Variants in ANXA13 observed in about 807,000 individuals in gnomAD.
ANXA13 encodes annexin XIII.
Under a neutral mutation model 46.6 loss-of-function variants are expected in ANXA13, and 36 were observed. The ratio of observed to expected loss-of-function variants is 0.77; its 90% CI spans 0.59 to 1.02. The LOEUF is 1.02. Among genes scored for constraint, ANXA13 ranks in the 50% least tolerant of loss-of-function variants. The pLI is 0.00. For missense variants in ANXA13, 417 were observed against 396.5 expected, an observed-to-expected ratio of 1.05 and a Z score of -0.44; for synonymous variants, 163 against 152.9, an observed-to-expected ratio of 1.07 and a Z score of -0.49.
chr8:123,691,660 C>T (rs1384028668), intron 8 of ANXA13, among the ~76,000 whole-genome samples: 1 of 152,152 alleles, frequency 6.6e-6, no homozygotes, highest in Non-Finnish European at 1.5e-5. Flanking sequence ...ACAGCTGTAG[C>T]CTAAAGCTGA....
intron 1 of ANXA13, among the ~76,000 whole-genome samples, chr8:123,717,697 G>A (rs2129910911): frequency 6.6e-6 from 1 of 152,360 alleles, no homozygotes; most frequent in East Asian, 1.9e-4. Flanking sequence ...CTTCGGGCAA[G>A]TTAGAGAACC....
chr8:123,682,712 G>A (rs2129811509), intron 10 of ANXA13, among the ~76,000 whole-genome samples: 1 of 152,276 alleles, frequency 6.6e-6, no homozygotes, highest in South Asian at 2.1e-4. Flanking sequence ...GCTGGGACAC[G>A]GGCAGGAAGG....
intron 1 of ANXA13, among the ~76,000 whole-genome samples, chr8:123,720,303 A>T (rs372789130): frequency 2.6e-5 from 4 of 152,154 alleles, no homozygotes; most frequent in African/African-American, 9.7e-5. Context: ...AGAACCAGGT[A>T]GTTTTGCCTG....
chr8:123,688,873 A>C lies in ANXA13; in HGVS notation c.716T>G (p.Leu239Arg). Residue 239 changes from leucine (L) to arginine (R), a missense_variant and splice_region_variant, in exon 9 of 11, where the codon CTC (leucine) becomes CGC (arginine). Transcript: ENST00000419625. ...SGDLQKAYLT[L>R]VRCAQDCEDY... The stretch of plus-strand genomic sequence containing the variant: ...GAGCTCTCCTAACTTTACTTTACCG[A>C]GAGTTAAATAGGCCTTCTGCAAGTC... 4 of 1,613,700 alleles carry C rather than the reference A, an allele frequency of 2.5e-6. No homozygotes were observed. In the South Asian group the frequency reaches 3.3e-5, roughly 13 times the overall value.
Position 123,681,162 on chromosome 8 carries a change from T to G in ANXA13, c.*78A>C. 2 of 1,505,436 alleles carry G rather than the reference T, an allele frequency of 1.3e-6. No homozygotes were observed. Among genetic ancestry groups the G allele is most frequent in the Non-Finnish European group, 8.9e-7 (1 of 1,122,750 alleles). 93.3% of individuals were successfully genotyped at this position (1,505,436 alleles called of 1,614,324 possible). Reference sequence around the variant, plus strand: ...ACTCTTAAGGGTTTTCGTGCGGGAGTCTCATTTGCAAGTTTGATTTGGAAT... The same window carrying G: ...ACTCTTAAGGGTTTTCGTGCGGGAGGCTCATTTGCAAGTTTGATTTGGAAT... On this transcript the variant is annotated 3_prime_UTR_variant, in exon 11 of 11. Transcript: ENST00000419625.
intron 1 of ANXA13, among the ~76,000 whole-genome samples, chr8:123,727,469 G>A (rs7820881): frequency 0.27 from 41,636 of 151,996 alleles, 7,160 homozygotes; most frequent in South Asian, 0.47. Context: ...CCATTTAAGC[G>A]GTGGTTCTCA....
chr8:123,730,145 G>C (rs1256046403), intron 1 of ANXA13, among the ~76,000 whole-genome samples: 2 of 152,094 alleles, frequency 1.3e-5, no homozygotes, highest in Non-Finnish European at 2.9e-5. Context: ...TTCTCTCCAG[G>C]GCCACTGCTT....
intron 1 of ANXA13, among the ~76,000 whole-genome samples, chr8:123,717,215 C>G (rs888559174): frequency 6.6e-6 from 1 of 152,202 alleles, no homozygotes; most frequent in African/African-American, 2.4e-5. Flanking sequence ...AACCTCTAAG[C>G]TACCATTTCC....
chr8:123,731,615 A>G (rs1434515470), intron 1 of ANXA13, among the ~76,000 whole-genome samples: 1 of 152,084 alleles, frequency 6.6e-6, no homozygotes, highest in Non-Finnish European at 1.5e-5. Context: ...CGCACCTGTA[A>G]TCAATCCCAG....
At chr8:123,689,287 T>A (rs2129831079) in intron 8 of ANXA13, among the ~76,000 whole-genome samples, 1 of 148,576 alleles carries the variant, frequency 6.7e-6, no homozygotes, top group African/African-American at 2.4e-5. Flanking sequence ...TTATATATAC[T>A]ATAATCATAG....
chr8:123,733,092 G>A (rs1258711988), intron 1 of ANXA13, among the ~76,000 whole-genome samples: 1 of 152,120 alleles, frequency 6.6e-6, no homozygotes, highest in Admixed American at 6.6e-5. Context: ...GAACCAGGGA[G>A]GTTGAGGCTG....
At chr8:123,714,781 A>G (rs1033787973) in intron 1 of ANXA13, among the ~76,000 whole-genome samples, 1 of 152,148 alleles carries the variant, frequency 6.6e-6, no homozygotes, top group African/African-American at 2.4e-5. Context: ...GGGGACTGAC[A>G]TTGTTGTACA....
intron 10 of ANXA13, among the ~76,000 whole-genome samples, chr8:123,682,167 A>G (rs1813051179): frequency 6.6e-6 from 1 of 152,156 alleles, no homozygotes; most frequent in South Asian, 2.1e-4. Context: ...CATGATTAGC[A>G]AGGATATTAG....
intron 1 of ANXA13, among the ~76,000 whole-genome samples, chr8:123,719,750 A>G (rs996248207): frequency 2.0e-5 from 3 of 152,202 alleles, no homozygotes; most frequent in African/African-American, 7.2e-5. Context: ...TAATCATGAC[A>G]TAATAGTCCA....
At chr8:123,696,209 G>GT in intron 4 of ANXA13, among the ~76,000 whole-genome samples, 1 of 152,028 alleles carries the variant, frequency 6.6e-6, no homozygotes, top group East Asian at 1.9e-4. Flanking sequence ...CCTTGACTTA[G>GT]TTTTTCTCTC....
chr8:123,685,317 C>T (rs1454768000), intron 9 of ANXA13, among the ~76,000 whole-genome samples: 2 of 152,094 alleles, frequency 1.3e-5, no homozygotes, highest in Admixed American at 1.3e-4. Flanking sequence ...TACGATGCTG[C>T]TATTTGCTCT....
At chr8:123,694,511 C>A (rs897870349) in intron 6 of ANXA13, among the ~76,000 whole-genome samples, 1 of 152,148 alleles carries the variant, frequency 6.6e-6, no homozygotes, top group Non-Finnish European at 1.5e-5. Flanking sequence ...TGGAAGGGAG[C>A]TGCTGGCGGT....
chr8:123,733,896 C>T (rs148542605), intron 1 of ANXA13, among the ~76,000 whole-genome samples: 76 of 152,282 alleles, frequency 5.0e-4, no homozygotes, highest in African/African-American at 1.8e-3. Context: ...AGTTTGACAA[C>T]GCGTTCCATA....
chr8:123,712,377 A>G (rs1159831283), intron 2 of ANXA13: 1 of 421,494 alleles, frequency 2.4e-6, no homozygotes, highest in African/African-American at 2.0e-5. Flanking sequence ...GCAGTGTGAG[A>G]ACAGACTAAT....
Sources: gnomAD v4.1 joint callset for allele counts (sites outside exome capture counted in the v4.1 genomes callset) on GRCh38, gnomAD v4.1.1 for gene constraint, MANE v1.5 for transcripts, NCBI Gene and HGNC (gene_info 2026-07-23, HGNC 2026-07-21) for gene names.